Variants in CACNA2D2 observed in about 807,000 individuals in gnomAD.
CACNA2D2 encodes calcium voltage-gated channel auxiliary subunit alpha2delta 2, also known as voltage-dependent calcium channel subunit alpha-2/delta-2.
Under a neutral mutation model 166.4 loss-of-function variants are expected in CACNA2D2, and 48 were observed. The ratio of observed to expected loss-of-function variants is 0.29; its 90% confidence interval spans 0.23 to 0.37. CACNA2D2 has a LOEUF of 0.37. CACNA2D2 is among the 10% of genes least tolerant of loss of function. The pLI is 1.00. For missense variants in CACNA2D2, 1,122 were observed against 1,433.0 expected, an observed-to-expected ratio of 0.78 and a Z score of 3.50; for synonymous variants, 561 against 573.7, an observed-to-expected ratio of 0.98 and a Z score of 0.32.
At chr3:50,456,897 C>A (rs1396727624) in intron 2 of CACNA2D2, among the ~76,000 whole-genome samples, 1 of 152,122 alleles carries the variant, frequency 6.6e-6, no homozygotes, top group African/African-American at 2.4e-5. Flanking sequence ...CCTTGTGGCT[C>A]CCCCAAGGAC....
Position 50,380,648 on chromosome 3 carries a change from C to A in CACNA2D2, c.842+100G>T. ...AATGAAAATTGGATACAGCTGGCTG[C>A]GCCCTGCTAGGAGGCTTGGAAATGG... is the stretch of plus-strand genomic sequence containing the variant. On this transcript the variant is annotated intron_variant, in intron 8 of 37. Transcript: ENST00000424201. This position sits in a 1 kb window ranked among gnomAD's most constrained non-coding sequence, Gnocchi z 4.9. 1 of 964,358 alleles carries A rather than the reference C, an allele frequency of 1.0e-6. No homozygotes were observed. Among genetic ancestry groups the A allele is most frequent in the Non-Finnish European group, 1.5e-6 (1 of 665,974 alleles). The allele number at this position is 964,358 out of a possible 1,614,324, so 59.7% of individuals were successfully genotyped here.
intron 2 of CACNA2D2, among the ~76,000 whole-genome samples, chr3:50,463,540 G>A (rs1709685633): frequency 6.6e-6 from 1 of 152,186 alleles, no homozygotes; most frequent in Non-Finnish European, 1.5e-5. Flanking sequence ...TGCAGCCAAG[G>A]AAGCACTGTC....
rs1045413424 is a variant in CACNA2D2 at position 50,364,406 on chromosome 3, G to C, written c.*260C>G. 2.1e-5 allele frequency: 10 copies of C among 482,718 alleles called. No individual in the cohort carries two copies. The highest frequency in any genetic ancestry group is 1.1e-4 in the South Asian group (3 of 26,094). 29.9% of individuals were successfully genotyped at this position (482,718 alleles called of 1,614,324 possible). On this transcript the variant is annotated 3_prime_UTR_variant, in exon 38 of 38. Coordinates refer to ENST00000424201, the MANE Select transcript of CACNA2D2 (RefSeq NM_006030.4). ...GTGGCCTCCCTGTCCCATCCCACTG[G>C]GGGGAGCCCAGCAGGCAAGAAGGGT...
intron 4 of CACNA2D2, among the ~76,000 whole-genome samples, chr3:50,393,180 G>A (rs555711081): frequency 6.6e-6 from 1 of 152,300 alleles, no homozygotes; most frequent in Admixed American, 6.5e-5. Context: ...TGTCAAATAG[G>A]GACAATAACC....
chr3:50,458,186 G>C (rs1709446897), intron 2 of CACNA2D2, among the ~76,000 whole-genome samples: 1 of 152,234 alleles, frequency 6.6e-6, no homozygotes, highest in South Asian at 2.1e-4. Context: ...GGCTGCGTAA[G>C]CCAGGCCTGC....
chr3:50,470,209 G>A (rs1374141586), intron 2 of CACNA2D2, among the ~76,000 whole-genome samples: 1 of 152,228 alleles, frequency 6.6e-6, no homozygotes, highest in African/African-American at 2.4e-5. Flanking sequence ...TCTCTACCTT[G>A]TCTAGGCTGT....
At chr3:50,458,149 T>G (rs1709444267) in intron 2 of CACNA2D2, among the ~76,000 whole-genome samples, 1 of 152,222 alleles carries the variant, frequency 6.6e-6, no homozygotes, top group Non-Finnish European at 1.5e-5. Flanking sequence ...AGAACTTGCT[T>G]TATCAGCAAA....
chr3:50,404,433 G>A (rs1706594519), intron 3 of CACNA2D2, among the ~76,000 whole-genome samples: 1 of 152,176 alleles, frequency 6.6e-6, no homozygotes, highest in African/African-American at 2.4e-5. Flanking sequence ...CTGCTGGAAT[G>A]AGAGGCAGAG....
chr3:50,390,614 G>A (rs72934837), intron 4 of CACNA2D2, among the ~76,000 whole-genome samples: 4,720 of 152,200 alleles, frequency 0.031, 237 homozygotes, highest in African/African-American at 0.11. Context: ...TGCCCAACTG[G>A]GTAGGAGTTG....
intron 22 of CACNA2D2, among the ~76,000 whole-genome samples, chr3:50,372,451 C>T (rs1306674151): frequency 4.6e-5 from 7 of 152,240 alleles, no homozygotes; most frequent in Non-Finnish European, 7.3e-5. Context: ...GCCCAGGAGG[C>T]GCGGGTCAGC....
At chr3:50,469,471 G>A (rs951494692) in intron 2 of CACNA2D2, among the ~76,000 whole-genome samples, 2 of 152,104 alleles carry the variant, frequency 1.3e-5, no homozygotes, top group Non-Finnish European at 2.9e-5. Flanking sequence ...GGACACCTTG[G>A]GCATGTGAAC....
intron 1 of CACNA2D2, among the ~76,000 whole-genome samples, chr3:50,483,216 T>C (rs1698128047): frequency 6.6e-6 from 1 of 152,152 alleles, no homozygotes; most frequent in Admixed American, 6.5e-5. Context: ...GACCCTAGAA[T>C]GAGCAGCATG....
At chr3:50,409,093 G>C (rs2236961) in intron 3 of CACNA2D2, among the ~76,000 whole-genome samples, 23,642 of 152,196 alleles carry the variant, frequency 0.16, 2,536 homozygotes, top group East Asian at 0.41. Context: ...ACTGGATTCA[G>C]ATCTACCCTG....
rs778670979 is a variant in CACNA2D2, at chr3:50,365,403, C to T, written c.3051G>A (p.Ser1017=). ...VMKQTQYYFG[S]VNASYNAIID... The stretch of plus-strand genomic sequence containing the variant: ...TGATGGCGTTGTAGGAGGCGTTTAC[C>T]GAGCCGAAGTAGTACTGGGTCTGTT... Residue 1017 remains serine (S), a synonymous_variant, in exon 35 of 38, where the codon TCG becomes TCA. Transcript: ENST00000424201. The surrounding 1 kb of genome is among the most constrained non-coding windows in gnomAD (Gnocchi z 4.5). 5 of 1,613,530 alleles carry T rather than the reference C, an allele frequency of 3.1e-6. No homozygotes were observed. Among genetic ancestry groups the T allele is most frequent in the South Asian group, 2.2e-5 (2 of 91,070 alleles).
chr3:50,433,495 C>T (rs898554232), intron 3 of CACNA2D2, among the ~76,000 whole-genome samples: 1 of 152,136 alleles, frequency 6.6e-6, no homozygotes, highest in Non-Finnish European at 1.5e-5. Context: ...GCTGAGACTA[C>T]AGGTGTGCAT....
intron 3 of CACNA2D2, among the ~76,000 whole-genome samples, chr3:50,396,821 C>A (rs1195014756): frequency 6.6e-6 from 1 of 152,166 alleles, no homozygotes. Flanking sequence ...CAGAGTGGGG[C>A]TCTGTTGAGG....
chr3:50,473,793 C>T (rs1457860200), intron 2 of CACNA2D2, among the ~76,000 whole-genome samples: 3 of 152,302 alleles, frequency 2.0e-5, no homozygotes, highest in East Asian at 1.9e-4. Flanking sequence ...CCAACCCCCA[C>T]GCCCACCTCA....
chr3:50,470,146 G>A (rs568129013), intron 2 of CACNA2D2, among the ~76,000 whole-genome samples: 1 of 152,202 alleles, frequency 6.6e-6, no homozygotes, highest in South Asian at 2.1e-4. Flanking sequence ...AGGACTCTAG[G>A]AGCCAGGGGC....
rs774582754 is a variant in CACNA2D2, at chr3:50,365,003, G to A, written c.3209-33C>T. On this transcript the variant is annotated intron_variant, in intron 36 of 37. Transcript: ENST00000424201. The surrounding 1 kb of genome is among the most constrained non-coding windows in gnomAD (Gnocchi z 4.5). ...TGGGTGGGGAGTCAAGGAGGCGGACGGCGGCGGCGGCACGGAGGGGGCGCG... is the reference window on the plus strand; with the variant it reads ...TGGGTGGGGAGTCAAGGAGGCGGACAGCGGCGGCGGCACGGAGGGGGCGCG... 1.2e-5 allele frequency: 19 copies of A among 1,607,898 alleles called. No homozygotes were observed. The highest frequency in any genetic ancestry group is 2.2e-5 in the East Asian group (1 of 44,744).
Sources: gnomAD v4.1 joint callset for allele counts (sites outside exome capture counted in the v4.1 genomes callset) on GRCh38, gnomAD v4.1.1 for gene constraint, Gnocchi (gnomAD v3.1) non-coding constraint, MANE v1.5 for transcripts, NCBI Gene and HGNC (gene_info 2026-07-23, HGNC 2026-07-21) for gene names.